Variants in COL7A1 observed in about 807,000 individuals in gnomAD.
COL7A1 encodes collagen type VII alpha 1 chain, also known as collagen alpha-1(VII) chain.
Under a neutral mutation model 456.2 loss-of-function variants are expected in COL7A1, and 296 were observed. That is an observed-to-expected ratio of 0.65 (90% confidence interval 0.59 to 0.71). The LOEUF (loss-of-function observed/expected upper bound fraction) is 0.71. Among genes scored for constraint, COL7A1 ranks in the 30% least tolerant of loss-of-function variants. The probability of loss-of-function intolerance (pLI) is 0.00; values close to 1 mark genes in which losing one functional copy is unlikely to be tolerated. For synonymous variants in COL7A1, 1,464 were observed against 1,525.9 expected (o/e 0.96, Z 0.95); for missense variants, 3,441 against 4,017.2 (o/e 0.86, Z 3.88).
intron 17 of COL7A1, 29 bp from the exon 18 acceptor site, chr3:48,589,499 G>A: frequency 1.2e-6 from 2 of 1,613,148 alleles, no homozygotes; most frequent in African/African-American, 1.3e-5. Context: ...GCAGCTCCAG[G>A]GCTAGCAAAC....
In COL7A1 at chr3:48,585,803, C is replaced by T. The variant is rs902136251; in HGVS notation, c.3786+27G>A. 1.2e-6 allele frequency: 2 copies of T among 1,614,094 alleles called. No homozygotes were observed. Among genetic ancestry groups the T allele is most frequent in the Admixed American group, 1.7e-5 (1 of 60,034 alleles). ...GCCCCACTGACACTCAACCCATTCT[C>T]TATTCCCCGCCCGCAGGGGCACTCA... On this transcript the variant is annotated intron_variant, in intron 30 of 118. Transcript: ENST00000681320. The surrounding 1 kb of genome is among the most constrained non-coding windows in gnomAD (Gnocchi z 4.5).
rs2043977718 is a variant in COL7A1 at position 48,572,264 on chromosome 3, C to T, written c.6979-93G>A. 2 of 1,611,594 alleles carry T rather than the reference C, an allele frequency of 1.2e-6. No individual in the cohort carries two copies. Among genetic ancestry groups the T allele is most frequent in the Non-Finnish European group, 1.7e-6 (2 of 1,177,798 alleles). Reference sequence around the variant, plus strand: ...TGGGGCCAGAGCTTAAATATGCGGTCTACTATGAAAGCTGAGGGTCATGAG... The same window carrying T: ...TGGGGCCAGAGCTTAAATATGCGGTTTACTATGAAAGCTGAGGGTCATGAG... On this transcript the variant is annotated intron_variant, in intron 90 of 118. Coordinates refer to ENST00000681320, the MANE Select transcript of COL7A1 (RefSeq NM_000094.4). This position sits in a 1 kb window ranked among gnomAD's most constrained non-coding sequence, Gnocchi z 4.6.
At position 48,583,249 on chromosome 3, in the gene COL7A1, G is replaced by A. The variant is rs1434380064; in HGVS notation, c.4438-78C>T. 11 of 1,603,812 alleles carry A rather than the reference G, an allele frequency of 6.9e-6. No homozygotes were observed. Among genetic ancestry groups the A allele is most frequent in the Non-Finnish European group, 8.5e-6 (10 of 1,174,080 alleles). On this transcript the variant is annotated intron_variant, in intron 42 of 118. Transcript: ENST00000681320. The surrounding 1 kb of genome is among the most constrained non-coding windows in gnomAD (Gnocchi z 5.1). ...CTTGAACGTCAAACCCCAGACAAGG[G>A]GTCCCAAACTCCAACCACCCCCTCC... is the stretch of plus-strand genomic sequence containing the variant.
In COL7A1 at chr3:48,581,262, C is replaced by G. The variant is rs1441960898; in HGVS notation, c.4897G>C (p.Asp1633His). The G allele has an allele frequency of 6.2e-7, 1 of 1,613,320 alleles. No homozygotes were observed. The highest frequency in any genetic ancestry group is 2.2e-5 in the East Asian group (1 of 44,888). Residue 1633 changes from aspartate to histidine, a missense_variant and splice_region_variant, in exon 52 of 119, where the codon GAT becomes CAT. By Grantham distance (81) the Asp-to-His change is moderately conservative. Around this residue, in one of 3 missense-constraint regions of COL7A1, gnomAD observed 2,084 missense variants for 2,501.3 expected, o/e 0.83. Coordinates refer to ENST00000681320, the MANE Select transcript of COL7A1 (RefSeq NM_000094.4). This position sits in a 1 kb window ranked among gnomAD's most constrained non-coding sequence, Gnocchi z 5.8. Reference sequence around the variant, plus strand: ...CTCCCCCGACTCCAGCCTCTTACATCTCGTCCTCGGGGGCCAACAGGTCCT... The same window carrying G: ...CTCCCCCGACTCCAGCCTCTTACATGTCGTCCTCGGGGGCCAACAGGTCCT... ...PPGPVGPRGRDGEVGEKGDEG... is the reference protein window; with the variant it reads ...PPGPVGPRGRHGEVGEKGDEG...
rs1205027821 is a variant in COL7A1 at position 48,587,199 on chromosome 3, G to A, written c.3130C>T (p.Gln1044Ter). 1.9e-6 allele frequency: 3 copies of A among 1,613,682 alleles called. No individual in the cohort carries two copies. Among genetic ancestry groups the A allele is most frequent in the Non-Finnish European group, 2.5e-6 (3 of 1,179,922 alleles). ...GVRGPEASVTQTPVCPRGLAD... is the reference protein window; with the variant it reads ...GVRGPEASVT ...ACTACGCCCACTATACCTGGCGTCTGTGTGACAGATGCCTCAGGACCCCGC... is the reference window on the plus strand; with the variant it reads ...ACTACGCCCACTATACCTGGCGTCTATGTGACAGATGCCTCAGGACCCCGC... The change falls in exon 24 of 119, where the codon CAG (glutamine) becomes TAG (stop). Residue 1044 changes from glutamine to a stop codon, truncating the protein, a stop_gained. Transcript: ENST00000681320. LOFTEE classifies it high-confidence loss of function. This position sits in a 1 kb window ranked among gnomAD's most constrained non-coding sequence, Gnocchi z 6.1.
chr3:48,584,342 G>T lies in COL7A1; in HGVS notation c.4153C>A (p.Pro1385Thr), dbSNP rs1485209356. The T allele has an allele frequency of 1.2e-6, 2 of 1,613,278 alleles. No individual in the cohort carries two copies. The highest frequency in any genetic ancestry group is 1.7e-5 in the Admixed American group (1 of 59,958). Residue 1385 changes from proline to threonine, a missense_variant, in exon 37 of 119, where the codon CCA becomes ACA. Pro to Thr is a conservative substitution (Grantham distance 38, BLOSUM62 -1). Coordinates refer to ENST00000681320, the MANE Select transcript of COL7A1 (RefSeq NM_000094.4). ...AGCCCTGGGGGGCCACGGGGTCCTG[G>T]GTCCCCCAGTGGTCCACGAGGTCCA... ...PPGPRGPLGD[P>T]GPRGPPGLPG...
rs1228248856 is a variant in COL7A1 at position 48,587,117 on chromosome 3, AG to A, written c.3140-10del. ...CAGGCCACGGGGGCACACTGTAGGA[AG>A]GGGAACAAGTTACTGAAGCGGGCAG... On this transcript the variant is annotated splice_polypyrimidine_tract_variant and intron_variant, in intron 24 of 118. Coordinates refer to ENST00000681320, the MANE Select transcript of COL7A1 (RefSeq NM_000094.4). This position sits in a 1 kb window ranked among gnomAD's most constrained non-coding sequence, Gnocchi z 6.1. 1.2e-6 allele frequency: 2 copies of A among 1,613,232 alleles called. No homozygotes were observed. The highest frequency in any genetic ancestry group is 1.7e-6 in the Non-Finnish European group (2 of 1,179,804).
rs2107759285 is a variant in COL7A1 at position 48,587,762 on chromosome 3, G to C, written c.2857+31C>G. On this transcript the variant is annotated intron_variant, in intron 22 of 118. Transcript: ENST00000681320. This position sits in a 1 kb window ranked among gnomAD's most constrained non-coding sequence, Gnocchi z 6.1. ...GAAGTCAGGGTGGGTCATCAGCAGG[G>C]GAGGAGCACGCCAAGGTGAGGCAGG... is the stretch of plus-strand genomic sequence containing the variant. 3 of 1,613,420 alleles carry C rather than the reference G, an allele frequency of 1.9e-6. No homozygotes were observed. The highest frequency in any genetic ancestry group is 2.5e-6 in the Non-Finnish European group (3 of 1,179,978).
At position 48,586,256 on chromosome 3, in the gene COL7A1, G is replaced by A. The variant is rs763239796; in HGVS notation, c.3551-10C>T. 1 of 1,613,680 alleles carries A rather than the reference G, an allele frequency of 6.2e-7. No individual in the cohort carries two copies. The highest frequency in any genetic ancestry group is 1.1e-5 in the South Asian group (1 of 91,086). Reference sequence around the variant, plus strand: ...ATCACCACATTAAGCCCTAAGGTGGGGTCCAGTGGCTGCATGATAGCCTTT... The same window carrying A: ...ATCACCACATTAAGCCCTAAGGTGGAGTCCAGTGGCTGCATGATAGCCTTT... On this transcript the variant is annotated splice_polypyrimidine_tract_variant and intron_variant, in intron 27 of 118. Transcript: ENST00000681320. This position sits in a 1 kb window ranked among gnomAD's most constrained non-coding sequence, Gnocchi z 5.1.
chr3:48,569,603 T>C lies in COL7A1; in HGVS notation c.7603A>G (p.Lys2535Glu). ...ILGPPGPRGAKGDMGERGPRG... is the reference protein window; with the variant it reads ...ILGPPGPRGAEGDMGERGPRG... ...GTGGGCCCACTCACCATGTCCCCCTTGGCACCCCGTGGGCCTGGAGGCCCC... is the reference window on the plus strand; with the variant it reads ...GTGGGCCCACTCACCATGTCCCCCTCGGCACCCCGTGGGCCTGGAGGCCCC... The change falls in exon 102 of 119, where the codon AAG becomes GAG. Residue 2535 changes from lysine (K) to glutamate (E), a missense_variant. Around this residue, in one of 3 missense-constraint regions of COL7A1, gnomAD observed 2,084 missense variants for 2,501.3 expected, o/e 0.83. Coordinates refer to ENST00000681320, the MANE Select transcript of COL7A1 (RefSeq NM_000094.4). The surrounding 1 kb of genome is among the most constrained non-coding windows in gnomAD (Gnocchi z 4.9). 1 of 1,613,690 alleles carries C rather than the reference T, an allele frequency of 6.2e-7. No individual in the cohort carries two copies. Among genetic ancestry groups the C allele is most frequent in the Non-Finnish European group, 8.5e-7 (1 of 1,179,806 alleles).
Position 48,574,138 on chromosome 3 carries a change from CACAG to C in COL7A1, c.6501+120_6501+123del. 12 of 1,302,792 alleles carry C rather than the reference CACAG, an allele frequency of 9.2e-6. No homozygotes were observed. The highest frequency in any genetic ancestry group is 1.3e-5 in the Non-Finnish European group (12 of 908,238). The allele number at this position is 1,302,792 out of a possible 1,614,324, so 80.7% of individuals were successfully genotyped here. On this transcript the variant is annotated intron_variant, in intron 80 of 118. Coordinates refer to ENST00000681320, the MANE Select transcript of COL7A1 (RefSeq NM_000094.4). The surrounding 1 kb of genome is among the most constrained non-coding windows in gnomAD (Gnocchi z 5.0). ...ACACAGGCACACACAAGCAGGCACACACAGAGAGGCACACAGACACAGGTACACA... is the reference window on the plus strand; with the variant it reads ...ACACAGGCACACACAAGCAGGCACACAGAGGCACACAGACACAGGTACACA...
In COL7A1 at chr3:48,570,332, T is replaced by G. The variant is rs1240560363; in HGVS notation, c.7383A>C (p.Gly2461=). The part of the protein sequence containing the change: ...PGASGLKGDK[G]DPGVGLPGPR... ...GCCCAGGCAGCCCTACTCCAGGGTCTCCCTGGAGACCAACAGGACACCGGG... is the reference window on the plus strand; with the variant it reads ...GCCCAGGCAGCCCTACTCCAGGGTCGCCCTGGAGACCAACAGGACACCGGG... Residue 2461 remains glycine, a splice_region_variant and synonymous_variant, in exon 98 of 119, where the codon GGA becomes GGC. Coordinates refer to ENST00000681320, the MANE Select transcript of COL7A1 (RefSeq NM_000094.4). The surrounding 1 kb of genome is among the most constrained non-coding windows in gnomAD (Gnocchi z 5.5). 1 of 1,613,966 alleles carries G rather than the reference T, an allele frequency of 6.2e-7. No homozygotes were observed.
chr3:48,573,532 T>C lies in COL7A1; in HGVS notation c.6599A>G (p.Gln2200Arg). 2 of 1,614,040 alleles carry C rather than the reference T, an allele frequency of 1.2e-6. No individual in the cohort carries two copies. Among genetic ancestry groups the C allele is most frequent in the Non-Finnish European group, 1.7e-6 (2 of 1,180,010 alleles). ...ACTCACCTTCAGGCCAGAAGGTCCT[T>C]GGGGTCCTGCAGGGCCAGCAAGACC... ...APGLAGPAGP[Q>R]GPSGLKGEPG... Residue 2200 changes from glutamine (Q) to arginine (R), a missense_variant, in exon 83 of 119, where the codon CAA becomes CGA. By Grantham distance (43) the Gln-to-Arg change is conservative. Coordinates refer to ENST00000681320, the MANE Select transcript of COL7A1 (RefSeq NM_000094.4). The surrounding 1 kb of genome is among the most constrained non-coding windows in gnomAD (Gnocchi z 5.5).
chr3:48,580,801 C>T lies in COL7A1; in HGVS notation c.4980+81G>A. On this transcript the variant is annotated intron_variant, in intron 54 of 118. Coordinates refer to ENST00000681320, the MANE Select transcript of COL7A1 (RefSeq NM_000094.4). The surrounding 1 kb of genome is among the most constrained non-coding windows in gnomAD (Gnocchi z 4.5). Reference sequence around the variant, plus strand: ...TGCCTCCCTGCAGGGACTCCCATCACCCCTTACCCCCCTCAGCCTTTCCTA... The same window carrying T: ...TGCCTCCCTGCAGGGACTCCCATCATCCCTTACCCCCCTCAGCCTTTCCTA... The T allele has an allele frequency of 6.3e-7, 1 of 1,592,242 alleles. No individual in the cohort carries two copies. Among genetic ancestry groups the T allele is most frequent in the Admixed American group, 1.7e-5 (1 of 59,888 alleles).
At position 48,567,349 on chromosome 3, in the gene COL7A1, T is replaced by C. The variant is rs1054190448; in HGVS notation, c.8047-159A>G. The C allele has an allele frequency of 1.0e-5, 10 of 991,738 alleles. No homozygotes were observed. Among genetic ancestry groups the C allele is most frequent in the Non-Finnish European group, 1.5e-5 (10 of 647,468 alleles). 61.4% of individuals were successfully genotyped at this position (991,738 alleles called of 1,614,324 possible). A position where few individuals can be genotyped will look rare whatever the true frequency, so the allele number is the denominator to read the frequency against. ...GTGATCCCCATGACTCCAACTCCAC[T>C]ATAGCCCCCTGCCCTGATGCACATG... On this transcript the variant is annotated intron_variant, in intron 109 of 118. Coordinates refer to ENST00000681320, the MANE Select transcript of COL7A1 (RefSeq NM_000094.4). This position sits in a 1 kb window ranked among gnomAD's most constrained non-coding sequence, Gnocchi z 4.3.
In COL7A1 at chr3:48,565,192, G is replaced by T; in HGVS notation, c.8537C>A (p.Pro2846His). Residue 2846 changes from proline to histidine, a missense_variant, in exon 117 of 119, where the codon CCC (proline) becomes CAC (histidine). Pro to His is a moderately conservative substitution (Grantham distance 77). Around this residue, in one of 3 missense-constraint regions of COL7A1, gnomAD observed 2,084 missense variants for 2,501.3 expected, o/e 0.83. Coordinates refer to ENST00000681320, the MANE Select transcript of COL7A1 (RefSeq NM_000094.4). The surrounding 1 kb of genome is among the most constrained non-coding windows in gnomAD (Gnocchi z 4.5). Reference sequence around the variant, plus strand: ...TTCAGAGTACTCATCATCCTCAGGGGGTACCCGCTCTGCAGGTAGGGCAGG... The same window carrying T: ...TTCAGAGTACTCATCATCCTCAGGGTGTACCCGCTCTGCAGGTAGGGCAGG... ...VSHAEEEERVPPEDDEYSEYS... is the reference protein window; with the variant it reads ...VSHAEEEERVHPEDDEYSEYS... 6.2e-7 allele frequency: 1 copy of T among 1,613,676 alleles called. No homozygotes were observed. Among genetic ancestry groups the T allele is most frequent in the South Asian group, 1.1e-5 (1 of 90,904 alleles).
chr3:48,587,997 A>G lies in COL7A1; in HGVS notation c.2711-58T>C, dbSNP rs1008114214. On this transcript the variant is annotated intron_variant, in intron 21 of 118. Transcript: ENST00000681320. The surrounding 1 kb of genome is among the most constrained non-coding windows in gnomAD (Gnocchi z 6.1). ...ATGTGGGATAGTGACACCTGGGGGC[A>G]TTAAAGGGCCTGCCCACTTCACTGG... The G allele has an allele frequency of 1.1e-5, 17 of 1,532,082 alleles. No individual in the cohort carries two copies. The highest frequency in any genetic ancestry group is 2.0e-5 in the Admixed American group (1 of 51,018). The allele number at this position is 1,532,082 out of a possible 1,614,324, so 94.9% of individuals were successfully genotyped here. A position where few individuals can be genotyped will look rare whatever the true frequency, so the allele number is the denominator to read the frequency against.
Position 48,575,692 on chromosome 3 carries a change from C to A in COL7A1, c.5913G>T (p.Leu1971=), listed in dbSNP as rs754578634. Residue 1971 remains leucine, a synonymous_variant, in exon 73 of 119, where the codon CTG becomes CTT. Transcript: ENST00000681320. This position sits in a 1 kb window ranked among gnomAD's most constrained non-coding sequence, Gnocchi z 6.3. ...ETWDESSGSF[L]PVPERRRGPK... is the part of the protein sequence containing the mutation. ...GGCCTCGACGCCGTTCGGGCACAGG[C>A]AGGAAGCTACCAGAGCTCTCATCCC... The A allele has an allele frequency of 3.4e-5, 55 of 1,613,592 alleles. 1 individual carries two copies. In the South Asian group the frequency reaches 4.7e-4, roughly 14 times the overall value.
At chr3:48,582,857 T>A (rs2044872320) in intron 44 of COL7A1, among the ~76,000 whole-genome samples, 156 bp downstream of exon 44, 1 of 151,854 alleles carries the variant, frequency 6.6e-6, no homozygotes, top group South Asian at 2.1e-4. Flanking sequence ...CAAAGCCAGG[T>A]CCCTGGGGCT....
Sources: gnomAD v4.1 joint callset for allele counts (sites outside exome capture counted in the v4.1 genomes callset) on GRCh38, gnomAD v4.1.1 for gene constraint, gnomAD v4.1.1 regional missense constraint, Gnocchi (gnomAD v3.1) non-coding constraint, MANE v1.5 for transcripts, NCBI Gene and HGNC (gene_info 2026-07-23, HGNC 2026-07-21) for gene names.